The following PTPRD variants were observed in gnomAD, a reference collection of about 807,000 sequenced individuals.
PTPRD encodes protein tyrosine phosphatase receptor type D.
A neutral mutation model predicts 214.5 loss-of-function variants in PTPRD; 34 were observed. The ratio of observed to expected loss-of-function variants is 0.16; its 90% CI spans 0.12 to 0.21. The LOEUF (loss-of-function observed/expected upper bound fraction) is 0.21, where lower values mean the gene tolerates loss of function less well. Among genes scored for constraint, PTPRD ranks in the 10% least tolerant of loss-of-function variants. The pLI, the probability that PTPRD is intolerant of heterozygous loss-of-function variation, is 1.00. For missense variants in PTPRD, 2,545 were observed against 2,398.7 expected, an observed-to-expected ratio of 1.06 and a Z score of -1.27; for synonymous variants, 1,128 against 845.7, an observed-to-expected ratio of 1.33 and a Z score of -5.79.
rs575638887 is a variant in PTPRD at position 9,394,050 on chromosome 9, C to T, written c.-203+3399G>A. Among the ~76,000 whole-genome samples the T allele has an allele frequency of 2.6e-5, 4 of 152,160 alleles. No homozygotes were observed. The East Asian group carries it at 5.8e-4, about 22-fold the overall frequency. On this transcript the variant is annotated intron_variant, in intron 9 of 45. Transcript: ENST00000381196. ...GACATTTTTAAACCATACATACACACAAAACTTTAATTTTTTAAACCATAC... is the reference window on the plus strand; with the variant it reads ...GACATTTTTAAACCATACATACACATAAAACTTTAATTTTTTAAACCATAC...
At chr9:10,541,889 T>C (rs1012979812) in intron 2 of PTPRD, among the ~76,000 whole-genome samples, 1 of 152,098 alleles carries the variant, frequency 6.6e-6, no homozygotes, top group Non-Finnish European at 1.5e-5. Flanking sequence ...TTGACAACTT[T>C]CATCAATTAT....
At chr9:8,395,630 G>T (rs1188470050) in intron 36 of PTPRD, among the ~76,000 whole-genome samples, 3 of 150,508 alleles carry the variant, frequency 2.0e-5, no homozygotes, top group African/African-American at 7.3e-5. Flanking sequence ...AAAACACATA[G>T]AATTTTTTTT....
At chr9:9,041,289 C>T (rs2099638939) in intron 10 of PTPRD, among the ~76,000 whole-genome samples, 1 of 151,996 alleles carries the variant, frequency 6.6e-6, no homozygotes, top group Non-Finnish European at 1.5e-5. Context: ...TGGGGGTTTA[C>T]TGTACAGATT....
chr9:9,946,736 C>G (rs767316785), intron 4 of PTPRD, among the ~76,000 whole-genome samples: 1 of 152,094 alleles, frequency 6.6e-6, no homozygotes, highest in African/African-American at 2.4e-5. Flanking sequence ...AATGTAGTAA[C>G]AGACATCTAA....
At chr9:9,879,088 C>G (rs542908142) in intron 5 of PTPRD, among the ~76,000 whole-genome samples, 1 of 152,300 alleles carries the variant, frequency 6.6e-6, no homozygotes, top group South Asian at 2.1e-4. Context: ...TGTTGACTAT[C>G]AAGTCTTCTT....
At chr9:8,326,587 A>G (rs1834019815) in intron 44 of PTPRD, among the ~76,000 whole-genome samples, 1 of 151,622 alleles carries the variant, frequency 6.6e-6, no homozygotes, top group Non-Finnish European at 1.5e-5. Context: ...GCCTCATAAA[A>G]TGAGTTAGGA....
intron 12 of PTPRD, among the ~76,000 whole-genome samples, chr9:8,705,296 C>T (rs2098181555): frequency 6.6e-6 from 1 of 152,190 alleles, no homozygotes; most frequent in Non-Finnish European, 1.5e-5. Context: ...TCTTGGCTCA[C>T]TGCAACCTCC....
chr9:8,786,452 C>T (rs1181369393), intron 11 of PTPRD, among the ~76,000 whole-genome samples: 6 of 140,376 alleles, frequency 4.3e-5, no homozygotes, highest in African/African-American at 1.6e-4. Context: ...CTCTGTCGCC[C>T]AGCTTGGAGT....
chr9:10,318,463 C>A (rs140592546), intron 3 of PTPRD, among the ~76,000 whole-genome samples: 1,676 of 152,078 alleles, frequency 0.011, 14 homozygotes, highest in Non-Finnish European at 0.017. Context: ...TCCCGTCAGG[C>A]CTTACCCGTG....
At chr9:9,511,694 TTTA>T (rs1182574933) in intron 8 of PTPRD, among the ~76,000 whole-genome samples, 3 of 151,832 alleles carry the variant, frequency 2.0e-5, no homozygotes, top group South Asian at 2.1e-4. Flanking sequence ...TTCTCAAATG[TTTA>T]TTAATTCTTT....
At chr9:8,826,041 CT>C (rs1482255331) in intron 11 of PTPRD, among the ~76,000 whole-genome samples, 1 of 152,128 alleles carries the variant, frequency 6.6e-6, no homozygotes, top group African/African-American at 2.4e-5. Flanking sequence ...AGATCTTAGC[CT>C]CATTTTACCC....
chr9:8,942,535 G>C (rs2099040220), intron 11 of PTPRD, among the ~76,000 whole-genome samples: 1 of 152,106 alleles, frequency 6.6e-6, no homozygotes, highest in African/African-American at 2.4e-5. Context: ...CCTACTCAAA[G>C]AGAAATTAAA....
At chr9:8,909,366 T>C (rs2098731017) in intron 11 of PTPRD, among the ~76,000 whole-genome samples, 1 of 152,138 alleles carries the variant, frequency 6.6e-6, no homozygotes. Flanking sequence ...TTTCACAAAA[T>C]ATTAGCAACC....
intron 2 of PTPRD, among the ~76,000 whole-genome samples, chr9:10,499,013 C>A (rs1342845325): frequency 0.014 from 4 of 278 alleles, 2 homozygotes; most frequent in African/African-American, 0.014. Context: ...CCAGCCTGGG[C>A]GACAGAGCGA....
intron 2 of PTPRD, among the ~76,000 whole-genome samples, chr9:10,483,875 C>T (rs2099115903): frequency 6.6e-6 from 1 of 151,984 alleles, no homozygotes; most frequent in South Asian, 2.1e-4. Context: ...GGAGATTTCT[C>T]AAGGAACTAA....
At chr9:10,440,196 G>C (rs72698990) in intron 2 of PTPRD, among the ~76,000 whole-genome samples, 29 of 151,618 alleles carry the variant, frequency 1.9e-4, no homozygotes, top group Non-Finnish European at 3.7e-4. Context: ...ATTTGTTATA[G>C]GAAACTATAA....
At chr9:10,426,868 G>A (rs990919140) in intron 2 of PTPRD, among the ~76,000 whole-genome samples, 4 of 152,012 alleles carry the variant, frequency 2.6e-5, no homozygotes, top group Non-Finnish European at 5.9e-5. Context: ...GGCAAAGGAC[G>A]TCTGTCACTG....
At chr9:8,388,308 T>A (rs547850948) in intron 37 of PTPRD, among the ~76,000 whole-genome samples, 63 of 152,316 alleles carry the variant, frequency 4.1e-4, no homozygotes, top group African/African-American at 1.5e-3. Context: ...GAATCAGGCT[T>A]TCTTCCTTCT....
At chr9:9,231,173 A>G (rs1388734213) in intron 9 of PTPRD, among the ~76,000 whole-genome samples, 1 of 152,152 alleles carries the variant, frequency 6.6e-6, no homozygotes, top group Non-Finnish European at 1.5e-5. Context: ...TGAGAAAATT[A>G]GTTTTTAAAA....
Sources: gnomAD v4.1 joint callset for allele counts (sites outside exome capture counted in the v4.1 genomes callset) on GRCh38, gnomAD v4.1.1 for gene constraint, MANE v1.5 for transcripts, NCBI Gene and HGNC (gene_info 2026-07-23, HGNC 2026-07-21) for gene names.